TMEM144: variants seen among roughly 807,000 people sequenced by gnomAD.
TMEM144 encodes transmembrane protein 144.
A neutral mutation model predicts 43.6 loss-of-function variants in TMEM144; 39 were observed. The ratio of observed to expected loss-of-function variants is 0.90; its 90% CI spans 0.69 to 1.17. The LOEUF is 1.17. Among genes scored for constraint, TMEM144 ranks in the 50% most tolerant of loss-of-function variants. The pLI is 0.00. For missense variants in TMEM144, 417 were observed against 411.9 expected (o/e 1.01, Z -0.11); for synonymous variants, 154 against 133.6 (o/e 1.15, Z -1.06).
In TMEM144 at chr4:158,217,414, G is replaced by A; in HGVS notation, c.326G>A (p.Ser109Asn). 6.2e-7 allele frequency: 1 copy of A among 1,611,432 alleles called. No individual in the cohort carries two copies. Among genetic ancestry groups the A allele is most frequent in the Non-Finnish European group, 8.5e-7 (1 of 1,178,008 alleles). Residue 109 changes from serine (S) to asparagine (N), a missense_variant, in exon 5 of 13, where the codon AGC becomes AAC. Coordinates refer to ENST00000296529, the MANE Select transcript of TMEM144 (RefSeq NM_018342.5). ...GSFNALTGWA[S>N]SRFGWFGLDA... ...TTTAATGCCTTAACTGGCTGGGCAA[G>A]CTCAAGGTAATTCAAGTCAAACTAG...
intron 12 of TMEM144, among the ~76,000 whole-genome samples, chr4:158,247,789 A>T (rs1735965712): frequency 6.6e-6 from 1 of 152,104 alleles, no homozygotes; most frequent in South Asian, 2.1e-4. Flanking sequence ...TTCTGATGGA[A>T]CATCTCGCTG....
At chr4:158,218,005 G>A (rs1417524535) in intron 5 of TMEM144, among the ~76,000 whole-genome samples, 1 of 152,170 alleles carries the variant, frequency 6.6e-6, no homozygotes, top group Non-Finnish European at 1.5e-5. Context: ...CAGTGGCAGA[G>A]TTGAGCAGCA....
intron 8 of TMEM144, among the ~76,000 whole-genome samples, chr4:158,236,843 T>A (rs1432183529): frequency 6.6e-6 from 1 of 152,118 alleles, no homozygotes; most frequent in African/African-American, 2.4e-5. Context: ...TGTTCCAAAA[T>A]ATGAATCACC....
intron 12 of TMEM144, among the ~76,000 whole-genome samples, chr4:158,249,933 T>TGTGTG (rs70958884): frequency 5.1e-5 from 7 of 135,960 alleles, no homozygotes; most frequent in Non-Finnish European, 9.6e-5. Flanking sequence ...TGTGTGTGTG[T>TGTGTG]TTAAATAAGC....
chr4:158,228,310 G>A (rs1373473773), intron 6 of TMEM144, among the ~76,000 whole-genome samples: 2 of 152,188 alleles, frequency 1.3e-5, no homozygotes, highest in African/African-American at 2.4e-5. Flanking sequence ...ATCAGGCCAC[G>A]CTTCCACTCA....
chr4:158,214,547 T>C (rs1031157977), intron 3 of TMEM144, among the ~76,000 whole-genome samples: 5 of 152,150 alleles, frequency 3.3e-5, no homozygotes, highest in Non-Finnish European at 7.4e-5. Context: ...CAGATACACC[T>C]CATCACCAGG....
At chr4:158,228,374 CA>C (rs1734883113) in intron 6 of TMEM144, among the ~76,000 whole-genome samples, 1 of 151,782 alleles carries the variant, frequency 6.6e-6, no homozygotes, top group African/African-American at 2.4e-5. Context: ...CAAACCAAGT[CA>C]AAACCAAAAC....
intron 6 of TMEM144, among the ~76,000 whole-genome samples, chr4:158,224,688 A>G (rs533684966): frequency 1.3e-5 from 2 of 152,288 alleles, no homozygotes; most frequent in African/African-American, 4.8e-5. Context: ...TCCTTACTAT[A>G]CAAGTCCAAA....
chr4:158,212,176 G>A (rs1046344043), intron 2 of TMEM144: 1 of 152,156 alleles, frequency 6.6e-6, no homozygotes, highest in Non-Finnish European at 1.5e-5. Flanking sequence ...CATGTATCTC[G>A]GGAAACTAAA....
At chr4:158,236,879 T>C (rs1374297141) in intron 8 of TMEM144, among the ~76,000 whole-genome samples, 1 of 152,132 alleles carries the variant, frequency 6.6e-6, no homozygotes, top group East Asian at 1.9e-4. Context: ...TGGAAATGCT[T>C]GCTTCATGCA....
At chr4:158,246,559 A>T (rs1471301588) in intron 12 of TMEM144, among the ~76,000 whole-genome samples, 1 of 152,164 alleles carries the variant, frequency 6.6e-6, no homozygotes, top group Non-Finnish European at 1.5e-5. Flanking sequence ...TATTTTTTTT[A>T]AATACACAAG....
At chr4:158,224,832 T>C (rs1487127814) in intron 6 of TMEM144, among the ~76,000 whole-genome samples, 1 of 152,136 alleles carries the variant, frequency 6.6e-6, no homozygotes, top group Non-Finnish European at 1.5e-5. Context: ...GCGAAGCTGC[T>C]CTCATCCACG....
At chr4:158,247,083 G>A (rs1234677313) in intron 12 of TMEM144, among the ~76,000 whole-genome samples, 1 of 151,828 alleles carries the variant, frequency 6.6e-6, no homozygotes, top group African/African-American at 2.4e-5. Context: ...TGACCCAATA[G>A]GGTTTAATTC....
At chr4:158,239,831 T>A (rs934904516) in intron 9 of TMEM144, among the ~76,000 whole-genome samples, 1 of 152,060 alleles carries the variant, frequency 6.6e-6, no homozygotes, top group African/African-American at 2.4e-5. Context: ...ATATATTAAT[T>A]AAAATTCTAT....
intron 12 of TMEM144, among the ~76,000 whole-genome samples, chr4:158,248,259 C>T (rs964641996): frequency 6.6e-6 from 1 of 151,820 alleles, no homozygotes; most frequent in Non-Finnish European, 1.5e-5. Flanking sequence ...ATGGCAAAAC[C>T]CTGTCTCTAC....
chr4:158,223,986 A>G (rs1734629634), intron 6 of TMEM144, among the ~76,000 whole-genome samples: 1 of 152,238 alleles, frequency 6.6e-6, no homozygotes, highest in Non-Finnish European at 1.5e-5. Flanking sequence ...AGGAATCACC[A>G]TACTGTCTTC....
chr4:158,229,385 T>C (rs1560828496), intron 6 of TMEM144, among the ~76,000 whole-genome samples: 1 of 152,138 alleles, frequency 6.6e-6, no homozygotes, highest in Non-Finnish European at 1.5e-5. Flanking sequence ...ATCTGGGATC[T>C]CGGACCCCAA....
intron 7 of TMEM144, chr4:158,235,127 G>T (rs1274174652): frequency 1.3e-5 from 3 of 231,682 alleles, no homozygotes; most frequent in Non-Finnish European, 2.6e-5. Flanking sequence ...TACAGATTAT[G>T]CAGACCATTA....
intron 12 of TMEM144, among the ~76,000 whole-genome samples, chr4:158,251,123 A>C (rs1736180389): frequency 6.6e-6 from 1 of 152,160 alleles, no homozygotes; most frequent in African/African-American, 2.4e-5. Flanking sequence ...TTTAAGAAGG[A>C]TCTAATAGTA....
Sources: gnomAD v4.1 joint callset for allele counts (sites outside exome capture counted in the v4.1 genomes callset) on GRCh38, gnomAD v4.1.1 for gene constraint, MANE v1.5 for transcripts, NCBI Gene and HGNC (gene_info 2026-07-23, HGNC 2026-07-21) for gene names.